ANAPC15: variants seen among roughly 807,000 people sequenced by gnomAD.
ANAPC15 encodes anaphase promoting complex subunit 15, also known as anaphase-promoting complex subunit 15.
ANAPC15 carries 13 observed loss-of-function variants against 19.8 expected under a neutral mutation model. The observed-to-expected ratio is 0.66, with a 90% confidence interval of 0.43 to 1.04. The LOEUF (loss-of-function observed/expected upper bound fraction) is 1.04. ANAPC15 is among the 50% of genes least tolerant of loss of function. ANAPC15 has a pLI of 0.00. For missense variants in ANAPC15, 88 were observed against 150.3 expected, an observed-to-expected ratio of 0.59 and a Z score of 2.17; for synonymous variants, 45 against 50.7, an observed-to-expected ratio of 0.89 and a Z score of 0.47.
At chr11:72,107,803 A>G (rs576284317), downstream of ANAPC15, 29 of 1,076,340 alleles carry the variant, frequency 2.7e-5, no homozygotes, top group African/African-American at 4.2e-4. Context: ...GGTACAAGAG[A>G]CAGATGAGAC....
chr11:72,109,261 C>T (rs886048638), downstream of ANAPC15: 15 of 456,136 alleles, frequency 3.3e-5, no homozygotes, highest in South Asian at 2.3e-4. Context: ...TCTCTTAACA[C>T]GAAGGAAGCT....
chr11:72,108,781 T>C (rs1946005565), downstream of ANAPC15: 1 of 1,550,516 alleles, frequency 6.4e-7, no homozygotes, highest in Middle Eastern at 1.7e-4. Context: ...TGGCTGACCA[T>C]GTGCTCTTCC....
chr11:72,111,583 G>A, intron 1 of ANAPC15, 87 bp from the exon 2 acceptor site: 1 of 250,686 alleles, frequency 4.0e-6, no homozygotes, highest in Middle Eastern at 1.5e-3. Context: ...GCTGTTTGCA[G>A]GCTGTTCAAG....
intron 2 of ANAPC15, 42 bp downstream of exon 2, chr11:72,111,370 G>A: frequency 9.1e-7 from 1 of 1,100,588 alleles, no homozygotes; most frequent in Non-Finnish European, 1.4e-6. Context: ...TAGGGTGGAA[G>A]ACAGCAGGAA....
downstream of ANAPC15, chr11:72,108,056 G>A: frequency 6.5e-7 from 1 of 1,549,900 alleles, no homozygotes; most frequent in Non-Finnish European, 8.7e-7. Context: ...CTGTGGAGCG[G>A]GACCCACGCA....
downstream of ANAPC15, chr11:72,108,953 G>A: frequency 1.4e-6 from 2 of 1,475,228 alleles, no homozygotes. Flanking sequence ...ACTTACTGAT[G>A]CCCACCCCCA....
intron 1 of ANAPC15, among the ~76,000 whole-genome samples, 157 bp from the exon 2 acceptor site, chr11:72,111,653 T>C (rs1283170702): frequency 6.6e-6 from 1 of 152,136 alleles, no homozygotes; most frequent in Non-Finnish European, 1.5e-5. Flanking sequence ...ACTGGCATTA[T>C]GAAATTATAC....
chr11:72,111,947 G>T (rs1591208416), intron 1 of ANAPC15: 1 of 152,890 alleles, frequency 6.5e-6, no homozygotes, highest in Non-Finnish European at 1.5e-5. Context: ...AATCAGCTTT[G>T]AGCGGCTGAG....
chr11:72,108,231 C>A, downstream of ANAPC15: 3 of 937,956 alleles, frequency 3.2e-6, no homozygotes, highest in Non-Finnish European at 4.6e-6. Context: ...ACTCTGGGGA[C>A]TGTGATGCTG....
At chr11:72,112,137 T>C (rs1268906071) in intron 1 of ANAPC15, 1 of 153,328 alleles carries the variant, frequency 6.5e-6, no homozygotes, top group Non-Finnish European at 1.5e-5. Flanking sequence ...TTAATTTATC[T>C]GACCGACCCA....
chr11:72,109,932 G>C lies in ANAPC15; in HGVS notation c.319-4C>G, dbSNP rs761502371. The C allele has an allele frequency of 1.9e-6, 3 of 1,613,916 alleles. No homozygotes were observed. The South Asian group carries it at 3.3e-5, about 18-fold the overall frequency. ...GTTCGTTGCCTTCCATGTCCACCTGGAGAGGAGGCTGGGTGTGGGTGGGGA... is the reference window on the plus strand; with the variant it reads ...GTTCGTTGCCTTCCATGTCCACCTGCAGAGGAGGCTGGGTGTGGGTGGGGA... On this transcript the variant is annotated splice_polypyrimidine_tract_variant and splice_region_variant and intron_variant, in intron 5 of 5. Transcript: ENST00000227618.
downstream of ANAPC15, chr11:72,108,573 A>C (rs1276716854): frequency 7.0e-7 from 1 of 1,435,636 alleles, no homozygotes; most frequent in African/African-American, 1.4e-5. Flanking sequence ...AATTCCCCCC[A>C]CCCTCACCTC....
chr11:72,108,666 T>C (rs1425539358), downstream of ANAPC15: 1 of 1,529,398 alleles, frequency 6.5e-7, no homozygotes, highest in Non-Finnish European at 8.8e-7. Flanking sequence ...CAGTATCAGC[T>C]GAGTCGGGCA....
At chr11:72,107,792 T>C (rs1356519612), downstream of ANAPC15, 2 of 931,344 alleles carry the variant, frequency 2.1e-6, no homozygotes, top group Non-Finnish European at 3.3e-6. Flanking sequence ...GCTGGGGCTA[T>C]GGTACAAGAG....
At chr11:72,109,297 C>A, downstream of ANAPC15, 1 of 472,518 alleles carries the variant, frequency 2.1e-6, no homozygotes, top group Non-Finnish European at 4.2e-6. Flanking sequence ...AGGGGCCTCC[C>A]AGTTCTCGGC....
At chr11:72,106,695 C>CT (rs1208861653), downstream of ANAPC15, 2 of 152,734 alleles carry the variant, frequency 1.3e-5, no homozygotes, top group African/African-American at 4.8e-5. Flanking sequence ...AATCCCAGCA[C>CT]TTTGAGAGGC....
At chr11:72,108,100 C>T (rs1305909598), downstream of ANAPC15, 1 of 1,526,346 alleles carries the variant, frequency 6.6e-7, no homozygotes, top group Non-Finnish European at 8.8e-7. Context: ...ATCCGCCTGG[C>T]CGGCTTTGAT....
downstream of ANAPC15, chr11:72,109,219 G>A: frequency 2.1e-6 from 1 of 485,404 alleles, no homozygotes; most frequent in South Asian, 1.9e-5. Flanking sequence ...GACTCCAAGG[G>A]AATCCCCACC....
chr11:72,111,318 CTTTG>C (rs746182970), intron 2 of ANAPC15, 32 bp from the exon 3 acceptor site: 33 of 1,532,176 alleles, frequency 2.2e-5, no homozygotes, highest in South Asian at 1.2e-4. Flanking sequence ...ATGTGTTTTG[CTTTG>C]TTTTTGTTTT....
Sources: allele counts gnomAD v4.1 joint callset (sites outside exome capture counted in the v4.1 genomes callset), GRCh38; gene constraint gnomAD v4.1.1; transcripts MANE v1.5; gene names NCBI Gene and HGNC (gene_info 2026-07-23, HGNC 2026-07-21).